Variants in NDUFAF6 observed in about 807,000 individuals in gnomAD.
The protein encoded by NDUFAF6 is NADH dehydrogenase (ubiquinone) complex I, assembly factor 6.
A neutral mutation model predicts 40.8 loss-of-function variants in NDUFAF6; 45 were observed. The ratio of observed to expected loss-of-function variants is 1.10; its 90% CI spans 0.87 to 1.42. The LOEUF (loss-of-function observed/expected upper bound fraction) is 1.42. NDUFAF6 is among the 40% of genes most tolerant of loss of function. NDUFAF6 has a pLI of 0.00. For synonymous variants in NDUFAF6, 185 were observed against 155.9 expected, an observed-to-expected ratio of 1.19 and a Z score of -1.39; for missense variants, 435 against 418.5, an observed-to-expected ratio of 1.04 and a Z score of -0.34.
At chr8:95,051,151 G>T (rs566045702) in intron 7 of NDUFAF6, among the ~76,000 whole-genome samples, 6 of 152,178 alleles carry the variant, frequency 3.9e-5, no homozygotes, top group Non-Finnish European at 7.3e-5. Context: ...TATAATTAAG[G>T]CTCCAAGTTT....
chr8:95,107,415 G>T (rs10808673), downstream of NDUFAF6, among the ~76,000 whole-genome samples: 6 of 151,942 alleles, frequency 3.9e-5, no homozygotes, highest in Non-Finnish European at 8.8e-5. Flanking sequence ...ACTAATAAGT[G>T]GGAGTTGAAC....
downstream of NDUFAF6, among the ~76,000 whole-genome samples, chr8:95,108,424 G>A (rs770227431): frequency 6.6e-6 from 1 of 152,116 alleles, no homozygotes; most frequent in South Asian, 2.1e-4. Flanking sequence ...GAGCCTCAAA[G>A]ACATTGTACT....
intron 1 of NDUFAF6, among the ~76,000 whole-genome samples, chr8:94,918,658 T>C (rs1259654687): frequency 1.3e-5 from 2 of 152,192 alleles, no homozygotes; most frequent in Non-Finnish European, 2.9e-5. Flanking sequence ...GCCAGAGTGT[T>C]CTGTTTGTAT....
chr8:95,116,861 CT>C (rs1810146278), downstream of NDUFAF6, among the ~76,000 whole-genome samples: 1 of 152,204 alleles, frequency 6.6e-6, no homozygotes, highest in African/African-American at 2.4e-5. Flanking sequence ...GCAGTTCAGG[CT>C]CTAGATAAGG....
At chr8:95,114,904 G>A (rs16917360) in intron 4 of NDUFAF6, among the ~76,000 whole-genome samples, 6,864 of 152,126 alleles carry the variant, frequency 0.045, 170 homozygotes, top group Middle Eastern at 0.078. Flanking sequence ...ACGTGAAAGC[G>A]TCTCGAAATT....
intron 2 of NDUFAF6, among the ~76,000 whole-genome samples, chr8:95,012,542 G>A (rs1381244787): frequency 6.6e-6 from 1 of 152,150 alleles, no homozygotes; most frequent in African/African-American, 2.4e-5. Context: ...GGTTACAGTG[G>A]CTCATGCCTG....
At chr8:94,952,692 A>G (rs907955037) in intron 2 of NDUFAF6, among the ~76,000 whole-genome samples, 24 of 152,246 alleles carry the variant, frequency 1.6e-4, no homozygotes, top group African/African-American at 5.1e-4. Flanking sequence ...CATCTCAGAA[A>G]GGAGTCAAGA....
intron 1 of NDUFAF6, among the ~76,000 whole-genome samples, chr8:94,921,527 G>C (rs1027054805): frequency 6.6e-6 from 1 of 152,202 alleles, no homozygotes; most frequent in African/African-American, 2.4e-5. Flanking sequence ...TTGGGATACT[G>C]TTATCAGAAG....
chr8:94,918,142 G>A (rs935780339), intron 1 of NDUFAF6, among the ~76,000 whole-genome samples: 3 of 152,090 alleles, frequency 2.0e-5, no homozygotes, highest in African/African-American at 7.2e-5. Context: ...AAACTTCTAA[G>A]TGCACCGACC....
chr8:95,075,784 T>A, exon 10 of NDUFAF6: 1 of 1,033,624 alleles, frequency 9.7e-7, no homozygotes, highest in Non-Finnish European at 1.3e-6. Flanking sequence ...CTTGCTTAAC[T>A]AGCTCTAGGC....
downstream of NDUFAF6, among the ~76,000 whole-genome samples, chr8:95,106,364 C>T (rs921961933): frequency 6.6e-6 from 1 of 151,444 alleles, no homozygotes; most frequent in African/African-American, 2.4e-5. Context: ...ACAAACCTGA[C>T]AAAAACAAGA....
chr8:94,966,560 C>T (rs1320701212), intron 1 of NDUFAF6, among the ~76,000 whole-genome samples: 1 of 152,148 alleles, frequency 6.6e-6, no homozygotes, highest in Non-Finnish European at 1.5e-5. Flanking sequence ...CACCACTGCA[C>T]TCCAGCCTGG....
At chr8:95,049,128 C>G (rs1020047441) in intron 7 of NDUFAF6, among the ~76,000 whole-genome samples, 3 of 152,190 alleles carry the variant, frequency 2.0e-5, no homozygotes, top group Non-Finnish European at 4.4e-5. Flanking sequence ...TCCTATCCTG[C>G]CCACTCTAAT....
At chr8:94,979,792 C>T (rs10098778) in intron 1 of NDUFAF6, among the ~76,000 whole-genome samples, 70,736 of 152,134 alleles carry the variant, frequency 0.46, 17,406 homozygotes, top group East Asian at 0.72. Context: ...GAACTTTATC[C>T]ATAGAAGACA....
intron 2 of NDUFAF6, among the ~76,000 whole-genome samples, chr8:94,981,927 CAAA>C (rs35674623): frequency 8.6e-5 from 8 of 93,456 alleles, no homozygotes; most frequent in Non-Finnish European, 9.1e-5. Context: ...GACCCTGTCT[CAAA>C]AAAAAAAAAA....
chr8:94,987,615 A>G (rs552428400), intron 2 of NDUFAF6, among the ~76,000 whole-genome samples: 42 of 152,350 alleles, frequency 2.8e-4, no homozygotes, highest in African/African-American at 9.9e-4. Context: ...TTATTGACAG[A>G]GACGGTCCTG....
At chr8:94,955,712 G>C (rs927851263), upstream of NDUFAF6, among the ~76,000 whole-genome samples, 2 of 152,266 alleles carry the variant, frequency 1.3e-5, no homozygotes, top group African/African-American at 4.8e-5. Context: ...GAGAACTTGA[G>C]CCCCCTCAAA....
intron 1 of NDUFAF6, among the ~76,000 whole-genome samples, chr8:94,898,701 G>A (rs1231284135): frequency 6.6e-6 from 1 of 152,150 alleles, no homozygotes; most frequent in East Asian, 1.9e-4. Context: ...AGTGAGGAGT[G>A]ATCTTTTTTA....
intron 6 of NDUFAF6, among the ~76,000 whole-genome samples, chr8:95,048,186 C>G (rs1485803234): frequency 6.6e-6 from 1 of 151,978 alleles, no homozygotes; most frequent in Non-Finnish European, 1.5e-5. Context: ...AGAGTAAGAC[C>G]CTGTCTCAAA....
Sources: gnomAD v4.1 joint callset for allele counts (sites outside exome capture counted in the v4.1 genomes callset) on GRCh38, gnomAD v4.1.1 for gene constraint, MANE v1.5 for transcripts, NCBI Gene and HGNC (gene_info 2026-07-23, HGNC 2026-07-21) for gene names.